Variants in LINGO1 observed in about 807,000 individuals in gnomAD.
LINGO1 encodes the protein leucine-rich repeat and immunoglobulin-like domain-containing nogo receptor-interacting protein 1.
A neutral mutation model predicts 37.3 loss-of-function variants in LINGO1; 11 were observed. The ratio of observed to expected loss-of-function variants is 0.29; its 90% confidence interval spans 0.19 to 0.49. LINGO1 has a LOEUF of 0.49. Ranked by LOEUF, LINGO1 falls within the 20% of genes least tolerant of loss-of-function variation. The pLI is 0.99. For missense variants in LINGO1, 585 were observed against 878.2 expected, an observed-to-expected ratio of 0.67 and a Z score of 4.22; for synonymous variants, 387 against 403.0, an observed-to-expected ratio of 0.96 and a Z score of 0.48.
intron 1 of LINGO1, among the ~76,000 whole-genome samples, chr15:77,749,289 G>C (rs1489845956): frequency 6.6e-6 from 1 of 152,096 alleles, no homozygotes; most frequent in African/African-American, 2.4e-5. Context: ...GCTACTCTGA[G>C]GCCCCTGCCT....
intron 1 of LINGO1, among the ~76,000 whole-genome samples, chr15:77,741,170 G>A (rs2076260411): frequency 6.6e-6 from 1 of 152,212 alleles, no homozygotes; most frequent in Non-Finnish European, 1.5e-5. Context: ...GGCTGGGGAA[G>A]GCACTCTCAG....
intron 1 of LINGO1, among the ~76,000 whole-genome samples, chr15:77,740,090 C>G (rs1236340202): frequency 6.6e-6 from 1 of 152,236 alleles, no homozygotes; most frequent in East Asian, 1.9e-4. Context: ...TCAATGGCCA[C>G]ACTTGGGTGG....
In LINGO1 at chr15:77,744,526, C is replaced by A. The variant is rs939273865; in HGVS notation, c.-256-9473G>T. ...TCCAGCCTGGACAACCAAAGTGAGA[C>A]CCTACATCAAAATTAAAATAAAATA... On this transcript the variant is annotated intron_variant, in intron 1 of 3. Transcript: ENST00000561686. 2.6e-5 allele frequency among the ~76,000 whole-genome samples: 4 copies of A among 152,134 alleles called. No homozygotes were observed. The South Asian group carries it at 8.3e-4, about 32-fold the overall frequency.
intron 3 of LINGO1, among the ~76,000 whole-genome samples, chr15:77,661,547 A>G (rs896902240): frequency 2.0e-5 from 3 of 152,216 alleles, no homozygotes; most frequent in Non-Finnish European, 2.9e-5. Context: ...GAAGCCCCCA[A>G]TGAGACTCAG....
intron 3 of LINGO1, among the ~76,000 whole-genome samples, chr15:77,671,363 A>G: frequency 6.6e-6 from 1 of 152,120 alleles, no homozygotes; most frequent in Admixed American, 6.5e-5. Context: ...GGGAGGAAGG[A>G]GGAGAAGAAA....
chr15:77,811,642 G>T (rs1485113555), intron 1 of LINGO1, among the ~76,000 whole-genome samples: 1 of 152,224 alleles, frequency 6.6e-6, no homozygotes, highest in Non-Finnish European at 1.5e-5. Context: ...GACAGGCCAA[G>T]TCACTTCAGA....
intron 2 of LINGO1, among the ~76,000 whole-genome samples, chr15:77,702,516 G>A (rs2075797595): frequency 6.6e-6 from 1 of 152,140 alleles, no homozygotes; most frequent in Admixed American, 6.5e-5. Flanking sequence ...CAAAACACAG[G>A]CTGCATGCTC....
chr15:77,702,731 A>C (rs1227732256), intron 2 of LINGO1, among the ~76,000 whole-genome samples: 3 of 151,620 alleles, frequency 2.0e-5, no homozygotes, highest in Non-Finnish European at 4.4e-5. Context: ...TGCCTGGGCT[A>C]CACACACACA....
At chr15:77,706,147 C>T (rs148454153) in intron 2 of LINGO1, among the ~76,000 whole-genome samples, 9 of 152,314 alleles carry the variant, frequency 5.9e-5, no homozygotes, top group Non-Finnish European at 8.8e-5. Flanking sequence ...AACACCTCAT[C>T]GTTCCTCGTC....
intron 1 of LINGO1, among the ~76,000 whole-genome samples, chr15:77,779,144 A>G (rs76194519): frequency 0.012 from 1,885 of 152,092 alleles, 40 homozygotes; most frequent in African/African-American, 0.043. Context: ...TCCTTCTCAG[A>G]GAGGCACCCC....
intron 1 of LINGO1, among the ~76,000 whole-genome samples, chr15:77,808,958 C>A (rs941412740): frequency 1.3e-5 from 2 of 152,224 alleles, no homozygotes; most frequent in African/African-American, 4.8e-5. Flanking sequence ...AGTCACCCAA[C>A]AAATGCTCAC....
Position 77,615,809 on chromosome 15 carries a change from G to C in LINGO1, c.98C>G (p.Ser33Ter). Residue 33 changes from serine (S) to a stop codon, truncating the protein, a stop_gained, in exon 2 of 2, where the codon TCA becomes TGA. Transcript: ENST00000355300. LOFTEE classifies it high-confidence loss of function. ...WQPILLLVLG[S>*]VLSGSATGCP... is the part of the protein sequence containing the mutation. Reference sequence around the variant, plus strand: ...GCCCGTGGCCGAGCCTGACAGCACTGAGCCCAGCACCAGCAGGAGGATGGG... The same window carrying C: ...GCCCGTGGCCGAGCCTGACAGCACTCAGCCCAGCACCAGCAGGAGGATGGG... 6.4e-7 allele frequency: 1 copy of C among 1,554,214 alleles called. No homozygotes were observed. Among genetic ancestry groups the C allele is most frequent in the Non-Finnish European group, 8.6e-7 (1 of 1,157,652 alleles).
intron 1 of LINGO1, among the ~76,000 whole-genome samples, chr15:77,768,419 C>A (rs914627341): frequency 6.6e-6 from 1 of 152,220 alleles, no homozygotes; most frequent in Non-Finnish European, 1.5e-5. Context: ...GCGTCCCAGG[C>A]ACTGGGGACA....
At chr15:77,752,319 A>C (rs1169835726) in intron 1 of LINGO1, among the ~76,000 whole-genome samples, 1 of 152,234 alleles carries the variant, frequency 6.6e-6, no homozygotes, top group African/African-American at 2.4e-5. Context: ...TTGTCCTAAA[A>C]GTAGGCAGCT....
intron 1 of LINGO1, among the ~76,000 whole-genome samples, chr15:77,626,012 C>G (rs367660464): frequency 5.3e-5 from 8 of 152,208 alleles, no homozygotes; most frequent in Non-Finnish European, 1.0e-4. Flanking sequence ...GATGAGGAAA[C>G]TGAGGCTCTG....
At chr15:77,680,638 G>A (rs949266994) in intron 2 of LINGO1, among the ~76,000 whole-genome samples, 1 of 152,068 alleles carries the variant, frequency 6.6e-6, no homozygotes, top group Non-Finnish European at 1.5e-5. Context: ...GGCAGGTAGT[G>A]GCATCTCCAT....
At chr15:77,790,928 C>T (rs1287847938), upstream of LINGO1, among the ~76,000 whole-genome samples, 2 of 152,200 alleles carry the variant, frequency 1.3e-5, no homozygotes, top group Admixed American at 6.5e-5. Context: ...CTCAGGGATA[C>T]CTATACTCCC....
chr15:77,725,558 G>A (rs2076094200), intron 2 of LINGO1, among the ~76,000 whole-genome samples: 1 of 152,104 alleles, frequency 6.6e-6, no homozygotes, highest in South Asian at 2.1e-4. Context: ...GCAAGACCCT[G>A]TCTCCAAATA....
At position 77,614,618 on chromosome 15, in the gene LINGO1, T is replaced by C. The variant is rs1241609586; in HGVS notation, c.1289A>G (p.Lys430Arg). ...CTCGTCCACAAACACCTGCTGGGCC[T>C]TGCGGTCCCGGATGCGGGCGCGGCG... ...TCRRARIRDR[K>R]AQQVFVDEGH... The change falls in exon 2 of 2, where the codon AAG (lysine) becomes AGG (arginine). Residue 430 changes from lysine (K) to arginine (R), a missense_variant. Around this residue, in one of 4 missense-constraint regions of LINGO1, gnomAD observed 484 missense variants for 735.0 expected, o/e 0.66. Transcript: ENST00000355300. 3 of 1,611,318 alleles carry C rather than the reference T, an allele frequency of 1.9e-6. No homozygotes were observed. Among genetic ancestry groups the C allele is most frequent in the Admixed American group, 3.3e-5 (2 of 59,758 alleles).
Sources: allele counts gnomAD v4.1 joint callset (sites outside exome capture counted in the v4.1 genomes callset), GRCh38; gene constraint gnomAD v4.1.1; regional missense constraint gnomAD v4.1.1; transcripts MANE v1.5; gene names NCBI Gene and HGNC (gene_info 2026-07-23, HGNC 2026-07-21).